Variants in RELN observed in about 807,000 individuals in gnomAD.
RELN encodes reelin.
In RELN, 108 loss-of-function variants were observed where a neutral mutation model predicts 427.6. The ratio of observed to expected loss-of-function variants is 0.25; its 90% CI spans 0.22 to 0.30. RELN has a LOEUF of 0.30. Ranked by LOEUF, RELN falls within the 10% of genes least tolerant of loss-of-function variation. The pLI is 1.00. For synonymous variants in RELN, 1,524 were observed against 1,513.4 expected, an observed-to-expected ratio of 1.01 and a Z score of -0.16; for missense variants, 3,715 against 4,302.8, an observed-to-expected ratio of 0.86 and a Z score of 3.82.
chr7:103,529,286 C>T (rs1296615318), intron 46 of RELN, among the ~76,000 whole-genome samples: 1 of 152,198 alleles, frequency 6.6e-6, no homozygotes, highest in Non-Finnish European at 1.5e-5. Flanking sequence ...GTAGCTTCCA[C>T]GGTGTGGCTA....
chr7:103,482,768 G>A, intron 63 of RELN, 105 bp downstream of exon 63: 1 of 1,579,222 alleles, frequency 6.3e-7, no homozygotes, highest in Non-Finnish European at 8.6e-7. Context: ...TCCTGTGGGG[G>A]CTTCTCATCA....
intron 40 of RELN, among the ~76,000 whole-genome samples, chr7:103,551,931 G>A (rs1830419703): frequency 6.9e-6 from 1 of 145,542 alleles, no homozygotes; most frequent in African/African-American, 2.6e-5. Context: ...TTCTGTGTGT[G>A]TGTGTGGGTG....
chr7:103,798,738 C>A (rs896398231), intron 3 of RELN, among the ~76,000 whole-genome samples: 1 of 152,194 alleles, frequency 6.6e-6, no homozygotes, highest in Non-Finnish European at 1.5e-5. Flanking sequence ...TATCTAGGTG[C>A]ATACCTCCTT....
intron 3 of RELN, among the ~76,000 whole-genome samples, chr7:103,795,564 G>C (rs1792279640): frequency 6.6e-6 from 1 of 152,164 alleles, no homozygotes; most frequent in South Asian, 2.1e-4. Flanking sequence ...TTAGAGTAGA[G>C]TCATATGCTT....
At chr7:103,842,977 A>G (rs942314175) in intron 2 of RELN, among the ~76,000 whole-genome samples, 2 of 152,220 alleles carry the variant, frequency 1.3e-5, no homozygotes, top group Admixed American at 6.5e-5. Flanking sequence ...AAAAGTTGAC[A>G]GCATAGAAAC....
intron 3 of RELN, among the ~76,000 whole-genome samples, chr7:103,819,762 T>C (rs997286973): frequency 1.3e-5 from 2 of 152,068 alleles, no homozygotes; most frequent in African/African-American, 4.8e-5. Flanking sequence ...AAATATAACA[T>C]TTAAAAATCA....
In RELN at chr7:103,558,014, A is replaced by G; in HGVS notation, c.5565T>C (p.Asp1855=). The G allele has an allele frequency of 1.3e-6, 2 of 1,519,886 alleles. No individual in the cohort carries two copies. Among genetic ancestry groups the G allele is most frequent in the Non-Finnish European group, 9.1e-7 (1 of 1,094,514 alleles). The allele number at this position is 1,519,886 out of a possible 1,614,324, so 94.1% of individuals were successfully genotyped here. A position where few individuals can be genotyped will look rare whatever the true frequency, so the allele number is the denominator to read the frequency against. Residue 1855 remains aspartate (D), a synonymous_variant, in exon 37 of 65, where the codon GAT becomes GAC. Transcript: ENST00000428762. ...GLRMLISRDL[D]CTNTMYVQFS... ...ACTGGACATACATTGTATTTGTACA[A>G]TCTAGATCTCTTGAAATAAGCATCC...
At chr7:103,864,596 C>T (rs3915118) in intron 2 of RELN, among the ~76,000 whole-genome samples, 121,408 of 152,084 alleles carry the variant, frequency 0.8, 48,511 homozygotes, top group South Asian at 0.88. Context: ...TCCTCCAGGT[C>T]CATCTGTGTT....
In RELN at chr7:103,645,749, C is replaced by G. The variant is rs547793496; in HGVS notation, c.2002+4525G>C. On this transcript the variant is annotated intron_variant, in intron 16 of 64. Coordinates refer to ENST00000428762, the MANE Select transcript of RELN (RefSeq NM_005045.4). ...CTGAGACAGAAATTCAACAAATAAA[C>G]ACTGGACTTAAATTGGACTTTAGGA... Among the ~76,000 whole-genome samples the G allele has an allele frequency of 2.4e-4, 37 of 151,896 alleles. 1 individual carries two copies. Among genetic ancestry groups the G allele is most frequent in the African/African-American group, 8.9e-4 (37 of 41,514 alleles).
chr7:103,491,699 C>T (rs1339602806), intron 58 of RELN, among the ~76,000 whole-genome samples: 2 of 152,024 alleles, frequency 1.3e-5, no homozygotes, highest in Non-Finnish European at 2.9e-5. Context: ...CGTGGTGACA[C>T]ATGCCTGTAA....
rs79868514 is a variant in RELN at position 103,553,613 on chromosome 7, T to C, written c.5969+47A>G. 5.4e-4 allele frequency: 878 copies of C among 1,612,880 alleles called. 7 individuals carry two copies. The African/African-American group carries it at 0.01, about 19-fold the overall frequency. On this transcript the variant is annotated intron_variant, in intron 39 of 64. Coordinates refer to ENST00000428762, the MANE Select transcript of RELN (RefSeq NM_005045.4). ...AATCCATTTAGGCAAAAGTTCATCA[T>C]GATTTGTATACAGCAGTGGTTTTAT...
intron 2 of RELN, among the ~76,000 whole-genome samples, chr7:103,900,136 C>A (rs1795051730): frequency 6.6e-6 from 1 of 152,142 alleles, no homozygotes; most frequent in African/African-American, 2.4e-5. Flanking sequence ...AAATCACAAG[C>A]ATTTCTATAA....
chr7:103,688,889 C>A (rs889416239), intron 10 of RELN, among the ~76,000 whole-genome samples: 1 of 151,918 alleles, frequency 6.6e-6, no homozygotes, highest in Admixed American at 6.6e-5. Flanking sequence ...TTCATTAGGG[C>A]CTTTTGATGT....
chr7:103,610,459 C>A (rs898645922), intron 22 of RELN, among the ~76,000 whole-genome samples: 46 of 152,106 alleles, frequency 3.0e-4, no homozygotes, highest in Admixed American at 2.9e-3. Context: ...TCAGAGAAGG[C>A]TAGGACAGTT....
chr7:103,671,109 C>T (rs958650449), intron 11 of RELN, among the ~76,000 whole-genome samples: 23 of 152,084 alleles, frequency 1.5e-4, no homozygotes, highest in African/African-American at 5.5e-4. Context: ...TAGGTGAAGA[C>T]CTTCCACATT....
chr7:103,671,850 G>C (rs528591103), intron 11 of RELN, among the ~76,000 whole-genome samples: 1 of 152,160 alleles, frequency 6.6e-6, no homozygotes, highest in South Asian at 2.1e-4. Context: ...TTAAGTGGTT[G>C]TTTTACTTTA....
At chr7:103,527,197 T>A (rs1584265869) in intron 46 of RELN, among the ~76,000 whole-genome samples, 1 of 152,356 alleles carries the variant, frequency 6.6e-6, no homozygotes, top group East Asian at 1.9e-4. Context: ...TGACTCTATC[T>A]ACCTATGAAG....
At chr7:103,498,046 A>G (rs2117025072) in intron 54 of RELN, 31 bp downstream of exon 54, 1 of 1,610,748 alleles carries the variant, frequency 6.2e-7, no homozygotes, top group Non-Finnish European at 8.5e-7. Flanking sequence ...GCTATGGTGC[A>G]ATAGAAATAA....
intron 52 of RELN, 46 bp from the exon 53 acceptor site, chr7:103,500,968 GTATT>G (rs779919126): frequency 1.9e-6 from 3 of 1,569,512 alleles, no homozygotes; most frequent in East Asian, 4.5e-5. Flanking sequence ...AAAGTTAACT[GTATT>G]TAGGTCCATT....
Sources: gnomAD v4.1 joint callset for allele counts (sites outside exome capture counted in the v4.1 genomes callset) on GRCh38, gnomAD v4.1.1 for gene constraint, MANE v1.5 for transcripts, NCBI Gene and HGNC (gene_info 2026-07-23, HGNC 2026-07-21) for gene names.